Variants in ZNF704 observed in about 807,000 individuals in gnomAD.
The protein encoded by ZNF704 is zinc finger protein 704.
Under a neutral mutation model 44.7 loss-of-function variants are expected in ZNF704, and 10 were observed. The ratio of observed to expected loss-of-function variants is 0.22; its 90% CI spans 0.14 to 0.38. The LOEUF (loss-of-function observed/expected upper bound fraction) is 0.38, where lower values mean the gene tolerates loss of function less well. Ranked by LOEUF, ZNF704 falls within the 10% of genes least tolerant of loss-of-function variation. The pLI is 1.00. For missense variants in ZNF704, 390 were observed against 545.5 expected (o/e 0.71, Z 2.84); for synonymous variants, 211 against 207.6 (o/e 1.02, Z -0.14).
In ZNF704 at chr8:80,635,303, T is replaced by G. The variant is rs188784491; in HGVS notation, c.*6063A>C. The G allele has an allele frequency of 1.2e-4, 18 of 152,386 alleles. No individual in the cohort carries two copies. The highest frequency in any genetic ancestry group is 2.2e-4 in the Non-Finnish European group (15 of 68,036). The allele number at this position is 152,386 out of a possible 1,614,324, so 9.4% of individuals were successfully genotyped here. ...ACAACTCCCCTCTGTTTCCTGGTTC[T>G]TGGGAACTCAGTCACTTTCTGATCA... On this transcript the variant is annotated 3_prime_UTR_variant, in exon 9 of 9. Coordinates refer to ENST00000327835, the MANE Select transcript of ZNF704 (RefSeq NM_001033723.3).
intron 6 of ZNF704, among the ~76,000 whole-genome samples, chr8:80,660,859 A>C (rs1450432448): frequency 1.3e-5 from 2 of 152,120 alleles, no homozygotes. Flanking sequence ...CAAGAAAAAC[A>C]CTCTAGGACA....
chr8:80,852,853 C>T (rs1305665259), intron 1 of ZNF704, among the ~76,000 whole-genome samples: 1 of 152,104 alleles, frequency 6.6e-6, no homozygotes, highest in Non-Finnish European at 1.5e-5. Context: ...TTTTAGCCCC[C>T]CAAAGTGCCT....
Position 80,687,207 on chromosome 8 carries a change from C to A in ZNF704, c.558+19G>T. ...CTTCAGGAAACTGAATGCAGAAGACCGCGTGGCTGACCACCAACCTTTCTT... is the reference window on the plus strand; with the variant it reads ...CTTCAGGAAACTGAATGCAGAAGACAGCGTGGCTGACCACCAACCTTTCTT... On this transcript the variant is annotated intron_variant, in intron 4 of 8. Transcript: ENST00000327835. 6.2e-7 allele frequency: 1 copy of A among 1,602,122 alleles called. No homozygotes were observed.
At position 80,634,744 on chromosome 8, in the gene ZNF704, T is replaced by C. The variant is rs1299711054; in HGVS notation, c.*6622A>G. ...TTCCTCTTTGCCTTATCCACATCAA[T>C]CATTTACAGAACTTGCCTGGTCCTT... On this transcript the variant is annotated 3_prime_UTR_variant, in exon 9 of 9. Transcript: ENST00000327835. 2.0e-5 allele frequency: 3 copies of C among 152,222 alleles called. No individual in the cohort carries two copies. The highest frequency in any genetic ancestry group is 7.2e-5 in the African/African-American group (3 of 41,438). 9.4% of individuals were successfully genotyped at this position (152,222 alleles called of 1,614,324 possible).
In ZNF704 at chr8:80,679,936, G is replaced by A. The variant is rs1029367479; in HGVS notation, c.558+7290C>T. On this transcript the variant is annotated intron_variant, in intron 4 of 8. Coordinates refer to ENST00000327835, the MANE Select transcript of ZNF704 (RefSeq NM_001033723.3). The stretch of plus-strand genomic sequence containing the variant: ...TGGAGAGAACTTCCCAGAGATTTTC[G>A]CCTTTGCAGCAGCTTCTGAACTGTC... Among the ~76,000 whole-genome samples, 16 of 152,122 alleles carry A rather than the reference G, an allele frequency of 1.1e-4. 1 individual carries two copies. The highest frequency in any genetic ancestry group is 5.2e-4 in the Admixed American group (8 of 15,256).
intron 7 of ZNF704, among the ~76,000 whole-genome samples, chr8:80,648,419 G>T (rs1449777623): frequency 6.6e-6 from 1 of 152,176 alleles, no homozygotes; most frequent in Non-Finnish European, 1.5e-5. Flanking sequence ...TTAATGGCAA[G>T]ACAGTCATGT....
At chr8:80,768,663 C>T (rs1807268723) in intron 2 of ZNF704, among the ~76,000 whole-genome samples, 1 of 151,308 alleles carries the variant, frequency 6.6e-6, no homozygotes, top group South Asian at 2.1e-4. Flanking sequence ...CGGTTAACAT[C>T]GCATGCTATC....
chr8:80,705,276 T>C (rs1818877963), intron 2 of ZNF704, among the ~76,000 whole-genome samples: 1 of 152,146 alleles, frequency 6.6e-6, no homozygotes, highest in Admixed American at 6.5e-5. Context: ...GTGTGTGTTT[T>C]GTGTGTCTCT....
chr8:80,781,702 C>T (rs1457405201), intron 2 of ZNF704, among the ~76,000 whole-genome samples: 3 of 152,212 alleles, frequency 2.0e-5, no homozygotes, highest in Non-Finnish European at 2.9e-5. Context: ...AAAACAGCAG[C>T]CCATAATGTG....
In ZNF704 at chr8:80,659,631, A is replaced by G; in HGVS notation, c.986T>C (p.Phe329Ser). Residue 329 changes from phenylalanine to serine, a missense_variant, in exon 7 of 9, where the codon TTC becomes TCC. Phe to Ser is a radical substitution (Grantham distance 155). This residue lies in a region of ZNF704 where 305 missense variants were observed against 435.7 expected (regional missense o/e 0.70). Coordinates refer to ENST00000327835, the MANE Select transcript of ZNF704 (RefSeq NM_001033723.3). ...CGGAGGAGATTGCCAGGAAATGCTGAAGCTGCTGCCATTGGGGGTGAACTT... is the reference window on the plus strand; with the variant it reads ...CGGAGGAGATTGCCAGGAAATGCTGGAGCTGCTGCCATTGGGGGTGAACTT... Reference protein sequence around the residue: ...SAKFTPNGSSFSISWQSPPVT... With the variant: ...SAKFTPNGSSSSISWQSPPVT... 1 of 1,614,006 alleles carries G rather than the reference A, an allele frequency of 6.2e-7. No individual in the cohort carries two copies. The highest frequency in any genetic ancestry group is 8.5e-7 in the Non-Finnish European group (1 of 1,179,958).
intron 2 of ZNF704, among the ~76,000 whole-genome samples, chr8:80,744,993 A>G (rs1452005776): frequency 6.6e-6 from 1 of 152,218 alleles, no homozygotes; most frequent in Non-Finnish European, 1.5e-5. Context: ...ACTTTAAAAA[A>G]TCTGTGGTCA....
chr8:80,846,249 T>C (rs1320388941), intron 1 of ZNF704, among the ~76,000 whole-genome samples: 1 of 152,188 alleles, frequency 6.6e-6, no homozygotes, highest in Non-Finnish European at 1.5e-5. Context: ...TAGTTGCTCT[T>C]GAGTAAATCT....
At chr8:80,751,092 T>C (rs1052228185) in intron 2 of ZNF704, among the ~76,000 whole-genome samples, 4 of 152,216 alleles carry the variant, frequency 2.6e-5, no homozygotes, top group Admixed American at 6.5e-5. Context: ...GAGAAAACTT[T>C]TGCTTTTTTT....
intron 1 of ZNF704, among the ~76,000 whole-genome samples, chr8:80,860,533 GA>G (rs1192539556): frequency 6.6e-6 from 1 of 152,114 alleles, no homozygotes; most frequent in Non-Finnish European, 1.5e-5. Context: ...ATTTTGTATG[GA>G]AAAAATACCA....
chr8:80,802,132 C>T (rs933555627), intron 2 of ZNF704, among the ~76,000 whole-genome samples: 3 of 129,230 alleles, frequency 2.3e-5, no homozygotes, highest in African/African-American at 8.8e-5. Flanking sequence ...CAGGAAGAAA[C>T]AGAATCCCTG....
chr8:80,844,550 C>T (rs1808736446), intron 1 of ZNF704, among the ~76,000 whole-genome samples: 1 of 152,158 alleles, frequency 6.6e-6, no homozygotes, highest in African/African-American at 2.4e-5. Context: ...AACATTCCGT[C>T]TATAGTGCTT....
chr8:80,788,583 A>G (rs2129737040), intron 2 of ZNF704, among the ~76,000 whole-genome samples: 1 of 152,342 alleles, frequency 6.6e-6, no homozygotes, highest in East Asian at 1.9e-4. Context: ...TCTGAATTTC[A>G]TCTTGTGTCT....
intron 2 of ZNF704, among the ~76,000 whole-genome samples, chr8:80,811,725 T>C (rs777236894): frequency 3.6e-4 from 55 of 152,338 alleles, no homozygotes; most frequent in Non-Finnish European, 7.2e-4. Context: ...TTTTTTTCTT[T>C]AAAAGGAGTG....
chr8:80,708,519 A>C lies in ZNF704; in HGVS notation c.222-15412T>G, dbSNP rs138269088. ...AGCTACTATTTAACATTTCTTCTGA[A>C]AACAATACACGTGGCTTCTAAGCCT... On this transcript the variant is annotated intron_variant, in intron 2 of 8. Transcript: ENST00000327835. 3.0e-4 allele frequency among the ~76,000 whole-genome samples: 46 copies of C among 152,382 alleles called. No homozygotes were observed. The East Asian group carries it at 8.7e-3, about 29-fold the overall frequency.
Sources: gnomAD v4.1 joint callset for allele counts (sites outside exome capture counted in the v4.1 genomes callset) on GRCh38, gnomAD v4.1.1 for gene constraint, gnomAD v4.1.1 regional missense constraint, MANE v1.5 for transcripts, NCBI Gene and HGNC (gene_info 2026-07-23, HGNC 2026-07-21) for gene names.